Variants in ZNF600 observed in about 807,000 individuals in gnomAD.
ZNF600 encodes the protein zinc finger protein KR-ZNF1.
ZNF600 carries 4 observed loss-of-function variants against 7.3 expected under a neutral mutation model. The observed-to-expected ratio is 0.55, with a 90% CI of 0.27 to 1.25. The LOEUF is 1.25. ZNF600 is among the 50% of genes most tolerant of loss of function. The pLI, the probability that ZNF600 is intolerant of heterozygous loss-of-function variation, is 0.12. For missense variants in ZNF600, 911 were observed against 922.1 expected (o/e 0.99, Z 0.16); for synonymous variants, 290 against 308.9 (o/e 0.94, Z 0.64).
At chr19:52,787,530 T>C (rs867088677), upstream of ZNF600, among the ~76,000 whole-genome samples, 22 of 149,040 alleles carry the variant, frequency 1.5e-4, no homozygotes, top group Middle Eastern at 3.5e-3. Flanking sequence ...CCTCAGCCTT[T>C]CGAGTAACTG....
At chr19:52,801,712 A>T in the ZNF600 span, 14 of 1,606,536 alleles carry the variant, frequency 8.7e-6, no homozygotes, top group Non-Finnish European at 1.2e-5. Context: ...TCTACAAAAT[A>T]TAAACACCAA....
chr19:52,795,563 A>G, the ZNF600 span, among the ~76,000 whole-genome samples: 1 of 152,002 alleles, frequency 6.6e-6, no homozygotes, highest in Non-Finnish European at 1.5e-5. Flanking sequence ...AGAAGCAGTT[A>G]TTTACTTTAT....
exon 4 of ZNF600, chr19:52,767,060 G>A: frequency 1.2e-6 from 2 of 1,614,048 alleles, no homozygotes; most frequent in Non-Finnish European, 1.7e-6. Context: ...GGCATGTAAG[G>A]GATGATACCT....
At chr19:52,766,481 T>C in exon 4 of ZNF600, 1 of 1,613,796 alleles carries the variant, frequency 6.2e-7, no homozygotes, top group South Asian at 1.1e-5. Flanking sequence ...GATCTGAATT[T>C]TGACCAAAGG....
chr19:52,778,412 CTTAT>C (rs2062693864), intron 2 of ZNF600, among the ~76,000 whole-genome samples: 3 of 152,168 alleles, frequency 2.0e-5, no homozygotes, highest in South Asian at 4.1e-4. Context: ...AATACCTCCC[CTTAT>C]TTGTCTCCTT....
At chr19:52,833,268 C>A in the ZNF600 span, among the ~76,000 whole-genome samples, 1 of 152,182 alleles carries the variant, frequency 6.6e-6, no homozygotes, top group East Asian at 1.9e-4. Context: ...GGTTGCCCAG[C>A]AGCACTGACA....
At chr19:52,807,058 G>A in the ZNF600 span, among the ~76,000 whole-genome samples, 1 of 152,208 alleles carries the variant, frequency 6.6e-6, no homozygotes, top group South Asian at 2.1e-4. Flanking sequence ...TGAAGGTGGA[G>A]CTTCCACTCT....
chr19:52,819,398 C>T, the ZNF600 span, among the ~76,000 whole-genome samples: 2 of 135,616 alleles, frequency 1.5e-5, no homozygotes, highest in East Asian at 2.1e-4. Flanking sequence ...CATTCTATTG[C>T]TTTTTTTTTT....
chr19:52,802,603 G>T, the ZNF600 span, among the ~76,000 whole-genome samples: 2 of 150,890 alleles, frequency 1.3e-5, 1 homozygote, highest in Non-Finnish European at 2.9e-5. Flanking sequence ...CTTGAACTTG[G>T]GAGGCAAAGA....
chr19:52,824,116 C>T, the ZNF600 span, among the ~76,000 whole-genome samples: 6 of 151,456 alleles, frequency 4.0e-5, no homozygotes, highest in Non-Finnish European at 7.4e-5. Flanking sequence ...ATATGGCCGG[C>T]GCAGTGGCTC....
the ZNF600 span, chr19:52,810,126 C>T: frequency 1.2e-6 from 1 of 846,328 alleles, no homozygotes; most frequent in Admixed American, 1.8e-5. Context: ...GGAGCCGGGA[C>T]TGGTCGAGGG....
the ZNF600 span, among the ~76,000 whole-genome samples, chr19:52,794,680 C>A: frequency 6.6e-6 from 1 of 151,988 alleles, no homozygotes; most frequent in Non-Finnish European, 1.5e-5. Flanking sequence ...GTGGTGAAAC[C>A]GCGTCTCTAC....
chr19:52,807,672 T>A, the ZNF600 span, among the ~76,000 whole-genome samples: 2 of 152,184 alleles, frequency 1.3e-5, no homozygotes, highest in Admixed American at 6.6e-5. Context: ...ACAGGGTTTC[T>A]GCATGTTGGC....
In ZNF600 at chr19:52,785,468, C is replaced by T. The variant is rs111477698; in HGVS notation, c.-20+1127G>A. Reference sequence around the variant, plus strand: ...TTCTCCCTGTTGATCAGGCTGGTCTCGAACTCCGGACCTCAGGTGATCCAC... The same window carrying T: ...TTCTCCCTGTTGATCAGGCTGGTCTTGAACTCCGGACCTCAGGTGATCCAC... On this transcript the variant is annotated intron_variant, in intron 1 of 3. Transcript: ENST00000648973. Among the ~76,000 whole-genome samples the T allele has an allele frequency of 7.2e-3, 1,087 of 152,026 alleles. 7 individuals carry two copies. Among genetic ancestry groups the T allele is most frequent in the Non-Finnish European group, 0.012 (845 of 67,984 alleles).
the ZNF600 span, among the ~76,000 whole-genome samples, chr19:52,813,796 C>G: frequency 0.056 from 8,180 of 146,616 alleles, 1,105 homozygotes; most frequent in African/African-American, 0.1. Flanking sequence ...GGGAAATGCA[C>G]TACCTTGTTT....
At chr19:52,779,455 A>T (rs2062703209) in intron 1 of ZNF600, among the ~76,000 whole-genome samples, 1 of 152,236 alleles carries the variant, frequency 6.6e-6, no homozygotes, top group African/African-American at 2.4e-5. Context: ...AGCCCAGCAC[A>T]GCCCCACGTT....
the ZNF600 span, chr19:52,817,876 C>T: frequency 7.3e-5 from 118 of 1,605,634 alleles, 1 homozygote; most frequent in Middle Eastern, 1.6e-3. Context: ...AGAGAAGACT[C>T]CCAACTCCAA....
chr19:52,818,565 T>C, the ZNF600 span, among the ~76,000 whole-genome samples: 1 of 151,938 alleles, frequency 6.6e-6, no homozygotes, highest in Non-Finnish European at 1.5e-5. Context: ...ATACAAAAAG[T>C]AGCCGGGCTT....
chr19:52,785,113 GTTTTC>G (rs2062753169), intron 1 of ZNF600, among the ~76,000 whole-genome samples: 1 of 151,790 alleles, frequency 6.6e-6, no homozygotes, highest in African/African-American at 2.4e-5. Context: ...TCTAGCTCTT[GTTTTC>G]TTTTCTTTTT....
Sources: gnomAD v4.1 joint callset for allele counts (sites outside exome capture counted in the v4.1 genomes callset) on GRCh38, gnomAD v4.1.1 for gene constraint, MANE v1.5 for transcripts, NCBI Gene and HGNC (gene_info 2026-07-23, HGNC 2026-07-21) for gene names.